OTOGL: variants seen among roughly 807,000 people sequenced by gnomAD.
OTOGL encodes the protein otogelin-like protein.
Under a neutral mutation model 318.5 loss-of-function variants are expected in OTOGL, and 285 were observed. That is an observed-to-expected ratio of 0.89 (90% CI 0.81 to 0.99). OTOGL has a LOEUF of 0.99. OTOGL is among the 50% of genes least tolerant of loss of function. The pLI is 0.00. For missense variants in OTOGL, 2,899 were observed against 2,845.6 expected (o/e 1.02, Z -0.43); for synonymous variants, 987 against 936.5 (o/e 1.05, Z -0.99).
At chr12:80,129,966 C>T (rs1871136942) in intron 1 of OTOGL, among the ~76,000 whole-genome samples, 1 of 152,186 alleles carries the variant, frequency 6.6e-6, no homozygotes, top group Non-Finnish European at 1.5e-5. Flanking sequence ...AAACCATGAA[C>T]TTATTTTTGA....
chr12:80,265,359 A>G (rs1246308164), intron 20 of OTOGL, 149 bp downstream of exon 20: 1 of 845,632 alleles, frequency 1.2e-6, no homozygotes, highest in Non-Finnish European at 1.8e-6. Context: ...TGAAAAGCAA[A>G]TGAAATAATA....
chr12:80,229,466 G>A, intron 8 of OTOGL, 88 bp downstream of exon 8: 1 of 1,442,178 alleles, frequency 6.9e-7, no homozygotes, highest in East Asian at 2.3e-5. Flanking sequence ...ACTGTGGAGA[G>A]TAGGAAGAGA....
chr12:80,376,820 T>C (rs147645915), intron 57 of OTOGL, among the ~76,000 whole-genome samples: 3 of 152,232 alleles, frequency 2.0e-5, no homozygotes, highest in African/African-American at 4.8e-5. Flanking sequence ...CACAGGTTGA[T>C]GTTAGCATTA....
At chr12:80,262,486 C>A (rs1204551289) in intron 19 of OTOGL, among the ~76,000 whole-genome samples, 2 of 152,058 alleles carry the variant, frequency 1.3e-5, no homozygotes, top group Non-Finnish European at 2.9e-5. Flanking sequence ...TCAGTTATTA[C>A]CATCTCATTA....
chr12:80,366,323 A>G, intron 52 of OTOGL: 1 of 456,350 alleles, frequency 2.2e-6, no homozygotes, highest in Non-Finnish European at 4.4e-6. Flanking sequence ...AGAGCAGATC[A>G]AGAACATTTC....
chr12:80,340,184 A>G (rs542329654), intron 43 of OTOGL, among the ~76,000 whole-genome samples: 1 of 152,278 alleles, frequency 6.6e-6, no homozygotes, highest in East Asian at 1.9e-4. Flanking sequence ...TGTGTCTGAC[A>G]TTATGCTTGA....
chr12:80,348,193 G>C (rs940325907), intron 44 of OTOGL, among the ~76,000 whole-genome samples: 2 of 152,042 alleles, frequency 1.3e-5, no homozygotes, highest in Admixed American at 6.5e-5. Context: ...TGAAGTCTTT[G>C]CCCATGACTG....
chr12:80,200,461 A>G (rs2137282842), intron 1 of OTOGL, among the ~76,000 whole-genome samples: 1 of 152,342 alleles, frequency 6.6e-6, no homozygotes, highest in South Asian at 2.1e-4. Context: ...TGTAACTGCA[A>G]CCTGAATTCA....
intron 37 of OTOGL, among the ~76,000 whole-genome samples, chr12:80,332,511 A>T (rs1888140002): frequency 6.6e-6 from 1 of 152,108 alleles, no homozygotes; most frequent in Non-Finnish European, 1.5e-5. Context: ...CTCCTAAACC[A>T]CACCCATCAA....
chr12:80,266,726 A>C (rs1883006323), intron 21 of OTOGL, 110 bp downstream of exon 21: 2 of 1,123,376 alleles, frequency 1.8e-6, no homozygotes, highest in African/African-American at 3.2e-5. Context: ...TATTGTCTTT[A>C]CTTTTTTTTT....
At chr12:80,269,807 G>C (rs1318490166) in intron 22 of OTOGL, among the ~76,000 whole-genome samples, 1 of 151,938 alleles carries the variant, frequency 6.6e-6, no homozygotes, top group Non-Finnish European at 1.5e-5. Context: ...ATTTATTTGT[G>C]TGTCTTCCCC....
At chr12:80,243,781 A>G (rs1454363298) in intron 11 of OTOGL, among the ~76,000 whole-genome samples, 1 of 148,690 alleles carries the variant, frequency 6.7e-6, no homozygotes, top group Non-Finnish European at 1.5e-5. Flanking sequence ...AATATATAAT[A>G]AACACATTTT....
chr12:80,218,882 C>T (rs1878007513), intron 5 of OTOGL, among the ~76,000 whole-genome samples: 1 of 147,406 alleles, frequency 6.8e-6, no homozygotes, highest in African/African-American at 2.5e-5. Flanking sequence ...GCAACTTCTG[C>T]CTCCTGGATT....
chr12:80,362,419 T>C (rs958744530), intron 52 of OTOGL, among the ~76,000 whole-genome samples: 8 of 152,126 alleles, frequency 5.3e-5, no homozygotes, highest in African/African-American at 1.9e-4. Flanking sequence ...AACATGATGC[T>C]GCCAGCTGTG....
intron 1 of OTOGL, among the ~76,000 whole-genome samples, chr12:80,204,130 G>A (rs911684019): frequency 2.6e-5 from 4 of 152,238 alleles, no homozygotes; most frequent in African/African-American, 4.8e-5. Flanking sequence ...AGATAAAGGG[G>A]AAACCTTTTT....
intron 11 of OTOGL, among the ~76,000 whole-genome samples, chr12:80,246,294 T>C (rs368298195): frequency 6.7e-6 from 1 of 148,466 alleles, no homozygotes; most frequent in African/African-American, 2.6e-5. Context: ...ATATTGGCTG[T>C]GGGTTTGTCA....
chr12:80,263,712 G>A (rs1017532983), intron 19 of OTOGL, among the ~76,000 whole-genome samples: 61 of 151,494 alleles, frequency 4.0e-4, no homozygotes, highest in African/African-American at 1.4e-3. Context: ...AATTCAAATA[G>A]GTAAATTCAG....
intron 44 of OTOGL, among the ~76,000 whole-genome samples, chr12:80,351,302 T>TG (rs1216817716): frequency 5.4e-5 from 8 of 149,164 alleles, no homozygotes; most frequent in Non-Finnish European, 7.5e-5. Flanking sequence ...TTTTTTTTTT[T>TG]TTTTGTTGTT....
chr12:80,120,692 C>T (rs549893725), intron 1 of OTOGL, among the ~76,000 whole-genome samples: 14 of 152,236 alleles, frequency 9.2e-5, no homozygotes, highest in African/African-American at 2.4e-4. Context: ...ATTTTTAATG[C>T]GGTAAGCTGA....
Sources: gnomAD v4.1 joint callset for allele counts (sites outside exome capture counted in the v4.1 genomes callset) on GRCh38, gnomAD v4.1.1 for gene constraint, MANE v1.5 for transcripts, NCBI Gene and HGNC (gene_info 2026-07-23, HGNC 2026-07-21) for gene names.